CHSY3: variants seen among roughly 807,000 people sequenced by gnomAD.
The protein encoded by CHSY3 is chondroitin sulfate synthase 3, also known as N-acetylgalactosaminyl-proteoglycan 3-beta-glucuronosyltransferase 3.
A neutral mutation model predicts 67.2 loss-of-function variants in CHSY3; 35 were observed. The ratio of observed to expected loss-of-function variants is 0.52; its 90% CI spans 0.40 to 0.69. The LOEUF (loss-of-function observed/expected upper bound fraction) is 0.69, where lower values mean the gene tolerates loss of function less well. CHSY3 is among the 30% of genes least tolerant of loss of function. The pLI is 0.00. For missense variants in CHSY3, 1,069 were observed against 1,138.5 expected (o/e 0.94, Z 0.88); for synonymous variants, 474 against 434.7 (o/e 1.09, Z -1.12).
chr5:129,957,417 A>G (rs1762209094), intron 2 of CHSY3, among the ~76,000 whole-genome samples: 1 of 152,092 alleles, frequency 6.6e-6, no homozygotes, highest in South Asian at 2.1e-4. Flanking sequence ...AAACAGGGAT[A>G]GTTTGACTTC....
At position 130,184,889 on chromosome 5, in the gene CHSY3, C is replaced by A; in HGVS notation, c.1747C>A (p.Leu583Ile). 2 of 1,560,394 alleles carry A rather than the reference C, an allele frequency of 1.3e-6. No homozygotes were observed. The highest frequency in any genetic ancestry group is 1.8e-6 in the Non-Finnish European group (2 of 1,131,218). ...GACCGAAGAGCTAGATGTCAACAGT[C>A]TTGTGGAGAGTATTAACAGTGAAAC... ...RETEELDVNS[L>I]VESINSETQS... The change falls in exon 3 of 3, where the codon CTT (leucine) becomes ATT (isoleucine). Residue 583 changes from leucine (L) to isoleucine (I), a missense_variant. Leu to Ile is a conservative substitution (Grantham distance 5). Around this residue, in one of 5 missense-constraint regions of CHSY3, gnomAD observed 401 missense variants for 395.2 expected, o/e 1.01. Transcript: ENST00000305031.
chr5:130,159,057 C>T (rs1010176233), intron 2 of CHSY3, among the ~76,000 whole-genome samples: 1 of 151,920 alleles, frequency 6.6e-6, no homozygotes, highest in African/African-American at 2.4e-5. Context: ...GCCTCAGCCT[C>T]CCAAAGTGCT....
chr5:129,942,548 T>C (rs952973296), intron 2 of CHSY3, among the ~76,000 whole-genome samples: 1 of 152,188 alleles, frequency 6.6e-6, no homozygotes, highest in Non-Finnish European at 1.5e-5. Context: ...GAGATTTATA[T>C]TTATTGTACC....
intron 2 of CHSY3, among the ~76,000 whole-genome samples, chr5:130,115,164 G>A (rs1456488639): frequency 2.0e-5 from 3 of 151,766 alleles, no homozygotes; most frequent in African/African-American, 7.3e-5. Context: ...AAAGATTACA[G>A]TATGAATGAT....
chr5:129,985,574 T>C (rs1257732517), intron 2 of CHSY3, among the ~76,000 whole-genome samples: 1 of 152,146 alleles, frequency 6.6e-6, no homozygotes, highest in African/African-American at 2.4e-5. Context: ...ATGTCATTGG[T>C]AGTTTGATAG....
chr5:129,910,230 C>A (rs755011186), intron 2 of CHSY3, among the ~76,000 whole-genome samples: 7 of 152,022 alleles, frequency 4.6e-5, no homozygotes, highest in Non-Finnish European at 8.8e-5. Context: ...CCAAGTCTTA[C>A]AGGCTGTAAC....
In CHSY3 at chr5:130,184,989, A is replaced by G. The variant is rs750520567; in HGVS notation, c.1847A>G (p.His616Arg). The change falls in exon 3 of 3, where the codon CAC becomes CGC. Residue 616 changes from histidine (H) to arginine (R), a missense_variant. Around this residue, in one of 5 missense-constraint regions of CHSY3, gnomAD observed 401 missense variants for 395.2 expected, o/e 1.01. Transcript: ENST00000305031. ...CAAGGTGCCAAAGAAATGGGAGGGC[A>G]CAATGAAAAGAAAGTACACATTCTC... The part of the protein sequence containing the change: ...SFQGAKEMGG[H>R]NEKKVHILVP... The G allele has an allele frequency of 1.3e-6, 2 of 1,557,240 alleles. No homozygotes were observed. The highest frequency in any genetic ancestry group is 1.4e-5 in the African/African-American group (1 of 73,468).
At chr5:130,081,350 G>A (rs1198917563) in intron 2 of CHSY3, among the ~76,000 whole-genome samples, 1 of 150,656 alleles carries the variant, frequency 6.6e-6, no homozygotes, top group African/African-American at 2.4e-5. Flanking sequence ...GGGTGCTGCA[G>A]GACTTGGGGG....
At chr5:130,112,803 T>C (rs1767630449) in intron 2 of CHSY3, among the ~76,000 whole-genome samples, 1 of 151,996 alleles carries the variant, frequency 6.6e-6, no homozygotes, top group South Asian at 2.1e-4. Context: ...ATGAAAGAAA[T>C]GAGATTATAG....
At chr5:130,021,410 A>C (rs1035317316) in intron 2 of CHSY3, among the ~76,000 whole-genome samples, 6 of 152,126 alleles carry the variant, frequency 3.9e-5, no homozygotes, top group Non-Finnish European at 7.4e-5. Flanking sequence ...TTTTCACTGA[A>C]TCAATACAGC....
chr5:130,052,153 T>G (rs776241739), intron 2 of CHSY3: 1 of 152,156 alleles, frequency 6.6e-6, no homozygotes, highest in Non-Finnish European at 1.5e-5. Flanking sequence ...CTCTGCATGG[T>G]GTAGCCCCAT....
In CHSY3 at chr5:130,052,795, A is replaced by G. The variant is rs529085765; in HGVS notation, c.1087-131434A>G. On this transcript the variant is annotated intron_variant, in intron 2 of 2. Coordinates refer to ENST00000305031, the MANE Select transcript of CHSY3 (RefSeq NM_175856.5). ...GCGTTAATTTATCCTTTCTGCCTCT[A>G]TTTTACAAATGAAAAGCTGAAGCAT... Among the ~76,000 whole-genome samples the G allele has an allele frequency of 8.5e-5, 13 of 152,260 alleles. No homozygotes were observed. The East Asian group carries it at 2.1e-3, about 25-fold the overall frequency.
At chr5:130,149,448 C>T (rs368366978) in intron 2 of CHSY3, among the ~76,000 whole-genome samples, 160 of 152,132 alleles carry the variant, frequency 1.1e-3, no homozygotes, top group African/African-American at 3.4e-3. Flanking sequence ...GAATGGGGGA[C>T]GGGAGGTGCC....
intron 2 of CHSY3, among the ~76,000 whole-genome samples, chr5:130,093,276 G>A (rs1766938977): frequency 6.6e-6 from 1 of 152,118 alleles, no homozygotes; most frequent in African/African-American, 2.4e-5. Context: ...TAAAAATTTA[G>A]ATAGATCATG....
At chr5:130,171,630 G>A (rs1769895918) in intron 2 of CHSY3, among the ~76,000 whole-genome samples, 1 of 152,186 alleles carries the variant, frequency 6.6e-6, no homozygotes, top group South Asian at 2.1e-4. Context: ...TCACATATAA[G>A]AGTTGCTATC....
At chr5:130,068,258 T>TA (rs1580702011) in intron 2 of CHSY3, among the ~76,000 whole-genome samples, 1 of 152,052 alleles carries the variant, frequency 6.6e-6, no homozygotes, top group Non-Finnish European at 1.5e-5. Flanking sequence ...CCATGAAAAT[T>TA]AAAAAATAAG....
At chr5:130,080,761 T>A (rs1481975161) in intron 2 of CHSY3, among the ~76,000 whole-genome samples, 3 of 152,062 alleles carry the variant, frequency 2.0e-5, no homozygotes, top group African/African-American at 7.2e-5. Context: ...TCTTTTAGAC[T>A]CTCTAAGTCC....
At chr5:130,007,018 A>G (rs1763897152) in intron 2 of CHSY3, among the ~76,000 whole-genome samples, 1 of 152,190 alleles carries the variant, frequency 6.6e-6, no homozygotes, top group Non-Finnish European at 1.5e-5. Context: ...CATTTCTAAA[A>G]AGCACTTAGG....
chr5:129,960,954 G>C (rs1762312708), intron 2 of CHSY3, among the ~76,000 whole-genome samples: 1 of 152,100 alleles, frequency 6.6e-6, no homozygotes, highest in South Asian at 2.1e-4. Context: ...GTGTCCACCA[G>C]TGGATATGAT....
Sources: allele counts gnomAD v4.1 joint callset (sites outside exome capture counted in the v4.1 genomes callset), GRCh38; gene constraint gnomAD v4.1.1; regional missense constraint gnomAD v4.1.1; transcripts MANE v1.5; gene names NCBI Gene and HGNC (gene_info 2026-07-23, HGNC 2026-07-21).